Variants in PLPP3 observed in about 807,000 individuals in gnomAD.
PLPP3 encodes phospholipid phosphatase 3.
Under a neutral mutation model 29.6 loss-of-function variants are expected in PLPP3, and 6 were observed. The observed-to-expected ratio is 0.20, with a 90% CI of 0.11 to 0.40. PLPP3 has a LOEUF of 0.40. Ranked by LOEUF, PLPP3 falls within the 10% of genes least tolerant of loss-of-function variation. The pLI is 1.00. For synonymous variants in PLPP3, 152 were observed against 159.7 expected (o/e 0.95, Z 0.36); for missense variants, 308 against 407.7 (o/e 0.76, Z 2.11).
At chr1:56,541,832 C>T (rs541235462) in intron 1 of PLPP3, among the ~76,000 whole-genome samples, 27 of 152,240 alleles carry the variant, frequency 1.8e-4, no homozygotes, top group Admixed American at 1.8e-3. Context: ...GGCACTGGCT[C>T]AAGTTAACTG....
At chr1:56,562,036 CAAAAAAAAA>C (rs71048439) in intron 1 of PLPP3, among the ~76,000 whole-genome samples, 3 of 50,956 alleles carry the variant, frequency 5.9e-5, no homozygotes, top group East Asian at 8.8e-4. Context: ...CTCCGTTTCA[CAAAAAAAAA>C]AAAAAAAAAA....
intron 5 of PLPP3, among the ~76,000 whole-genome samples, chr1:56,501,945 C>T (rs187316837): frequency 2.0e-3 from 307 of 152,266 alleles, no homozygotes; most frequent in Non-Finnish European, 3.7e-3. Context: ...TATCTTTGGC[C>T]AAGAGTTGGC....
intron 1 of PLPP3, chr1:56,538,625 A>T: frequency 2.9e-6 from 1 of 341,470 alleles, no homozygotes; most frequent in Non-Finnish European, 5.5e-6. Context: ...AAGTGTTACC[A>T]TGGCTAAACT....
intron 1 of PLPP3, among the ~76,000 whole-genome samples, chr1:56,544,548 T>C (rs1034777780): frequency 1.3e-5 from 2 of 152,212 alleles, no homozygotes; most frequent in African/African-American, 4.8e-5. Flanking sequence ...TCAATTGATT[T>C]AATTCTCAAA....
At chr1:56,519,075 C>T (rs1645801859) in intron 4 of PLPP3, among the ~76,000 whole-genome samples, 1 of 152,004 alleles carries the variant, frequency 6.6e-6, no homozygotes, top group South Asian at 2.1e-4. Context: ...AAGGCCTTGA[C>T]ACAAAGTGGC....
At chr1:56,573,981 C>G (rs1252605139) in intron 1 of PLPP3, among the ~76,000 whole-genome samples, 2 of 152,124 alleles carry the variant, frequency 1.3e-5, no homozygotes, top group Non-Finnish European at 2.9e-5. Context: ...GCGGGCAGAT[C>G]ACAAAGTCAG....
At chr1:56,544,976 C>T (rs1645995317) in intron 1 of PLPP3, among the ~76,000 whole-genome samples, 2 of 152,148 alleles carry the variant, frequency 1.3e-5, no homozygotes, top group East Asian at 1.9e-4. Flanking sequence ...TGAGCTCTTA[C>T]ATAAATCATC....
At chr1:56,505,094 G>A (rs946111851) in intron 5 of PLPP3, among the ~76,000 whole-genome samples, 8 of 152,258 alleles carry the variant, frequency 5.3e-5, no homozygotes, top group Middle Eastern at 3.4e-3. Context: ...TATAGATGGC[G>A]GTCAAGTCTT....
At chr1:56,528,613 G>A (rs917038071) in intron 2 of PLPP3, among the ~76,000 whole-genome samples, 3 of 151,960 alleles carry the variant, frequency 2.0e-5, no homozygotes, top group South Asian at 2.1e-4. Context: ...TATGTCAATC[G>A]CCTGGCACCT....
chr1:56,555,566 G>A (rs1646071373), intron 1 of PLPP3, among the ~76,000 whole-genome samples: 1 of 151,942 alleles, frequency 6.6e-6, no homozygotes, highest in African/African-American at 2.4e-5. Context: ...TATGGAATGT[G>A]GTCCAATTAC....
At chr1:56,536,919 A>C in intron 2 of PLPP3, 36 bp downstream of exon 2, 1 of 1,608,572 alleles carries the variant, frequency 6.2e-7, no homozygotes, top group East Asian at 2.2e-5. Context: ...GGAAGAAGTC[A>C]GACAGGATCC....
At chr1:56,555,433 T>TAAAAAAAAAAAAAAA (rs66593221) in intron 1 of PLPP3, among the ~76,000 whole-genome samples, 35 of 33,202 alleles carry the variant, frequency 1.1e-3, no homozygotes, top group African/African-American at 2.8e-3. Context: ...GGCCAAACAC[T>TAAAAAAAAAAAAAAA]AAAAAAAAAA....
chr1:56,509,951 A>G (rs1039195986), intron 5 of PLPP3, among the ~76,000 whole-genome samples: 1 of 152,102 alleles, frequency 6.6e-6, no homozygotes, highest in African/African-American at 2.4e-5. Context: ...AGTCAGCGAG[A>G]GCCAAACAGG....
At chr1:56,537,145 A>G in intron 1 of PLPP3, 33 bp from the exon 2 acceptor site, 1 of 1,585,392 alleles carries the variant, frequency 6.3e-7, no homozygotes, top group Non-Finnish European at 8.6e-7. Context: ...ATATACCAGA[A>G]AAAAAAAGAA....
At position 56,510,659 on chromosome 1, in the gene PLPP3, G is replaced by C. The variant is rs567691156; in HGVS notation, c.810+1317C>G. 2.6e-5 allele frequency among the ~76,000 whole-genome samples: 4 copies of C among 152,334 alleles called. No individual in the cohort carries two copies. The South Asian group carries it at 8.3e-4, about 32-fold the overall frequency. On this transcript the variant is annotated intron_variant, in intron 5 of 5. Transcript: ENST00000371250. ...GATGGAATTTCCTTGGGAGGGCTGA[G>C]CCTTATTCATTCCTATACCTTCAAG...
chr1:56,564,129 T>C (rs113735853), intron 1 of PLPP3, among the ~76,000 whole-genome samples: 148 of 152,316 alleles, frequency 9.7e-4, no homozygotes, highest in African/African-American at 3.5e-3. Flanking sequence ...GGTTGGGTCA[T>C]AGCCTACAAG....
intron 1 of PLPP3, among the ~76,000 whole-genome samples, chr1:56,550,309 T>C (rs1229634607): frequency 1.3e-5 from 2 of 152,162 alleles, no homozygotes; most frequent in Admixed American, 6.5e-5. Flanking sequence ...TGGTTTGTTA[T>C]AGGAACCCTA....
chr1:56,557,026 A>AGAGAAAGAGAG lies in PLPP3; in HGVS notation c.140-19915_140-19914insCTCTCTTTCTC, dbSNP rs1646085318. Among the ~76,000 whole-genome samples, 79 of 9,526 alleles carry AGAGAAAGAGAG rather than the reference A, an allele frequency of 8.3e-3. 20 individuals are homozygous for AGAGAAAGAGAG. Among genetic ancestry groups the AGAGAAAGAGAG allele is most frequent in the African/African-American group, 0.019 (78 of 4,032 alleles). The allele number at this position is 9,526 out of a possible 152,430, so 6.2% of individuals were successfully genotyped here. ...AGAAAGAAAGAGAGAGAGAGAGAGAAAGAGAGAGAGAGAGAGAGAGAGAGA... is the reference window on the plus strand; with the variant it reads ...AGAAAGAAAGAGAGAGAGAGAGAGAAGAGAAAGAGAGAGAGAGAGAGAGAGAGAGAGAGAGA... On this transcript the variant is annotated intron_variant, in intron 1 of 5. Coordinates refer to ENST00000371250, the MANE Select transcript of PLPP3 (RefSeq NM_003713.5).
intron 1 of PLPP3, chr1:56,538,916 T>C (rs553580698): frequency 5.0e-5 from 4 of 79,940 alleles, no homozygotes; most frequent in African/African-American, 2.4e-4. Context: ...GCATAGTAGA[T>C]GTTAAAAAAA....
Sources: allele counts gnomAD v4.1 joint callset (sites outside exome capture counted in the v4.1 genomes callset), GRCh38; gene constraint gnomAD v4.1.1; transcripts MANE v1.5; gene names NCBI Gene and HGNC (gene_info 2026-07-23, HGNC 2026-07-21).